The following ART3 variants were observed in gnomAD, a reference collection of about 807,000 sequenced individuals.
ART3 encodes ADP-ribosyltransferase 3 (inactive), also known as ecto-ADP-ribosyltransferase 3.
In ART3, 49 loss-of-function variants were observed where a neutral mutation model predicts 48.5. The observed-to-expected ratio is 1.01, with a 90% CI of 0.80 to 1.28. The LOEUF (loss-of-function observed/expected upper bound fraction) is 1.28. Among genes scored for constraint, ART3 ranks in the 50% most tolerant of loss-of-function variants. The pLI, the probability that ART3 is intolerant of heterozygous loss-of-function variation, is 0.00. For missense variants in ART3, 438 were observed against 454.3 expected, an observed-to-expected ratio of 0.96 and a Z score of 0.33; for synonymous variants, 145 against 157.2, an observed-to-expected ratio of 0.92 and a Z score of 0.58.
chr4:76,027,082 T>C (rs2149386460), intron 1 of ART3, among the ~76,000 whole-genome samples: 1 of 152,158 alleles, frequency 6.6e-6, no homozygotes, highest in South Asian at 2.1e-4. Context: ...TGAAACCCTG[T>C]CTCTACTAAA....
chr4:76,100,898 A>G lies in ART3; in HGVS notation c.907+74A>G, dbSNP rs537941026. The G allele has an allele frequency of 2.5e-6, 4 of 1,601,072 alleles. No individual in the cohort carries two copies. The Admixed American group carries it at 5.2e-5, about 21-fold the overall frequency. ...TCCCTTTACAGGTGGGAATATTTTC[A>G]TATTTACTGAAAATAATTTTGCTGT... On this transcript the variant is annotated intron_variant, in intron 7 of 11. Transcript: ENST00000355810.
chr4:76,102,961 A>G (rs1355336122), intron 8 of ART3, among the ~76,000 whole-genome samples: 1 of 152,126 alleles, frequency 6.6e-6, no homozygotes, highest in African/African-American at 2.4e-5. Flanking sequence ...AGTTCTTATC[A>G]TCAGTTAGGC....
At chr4:76,087,971 G>A (rs986392194) in intron 3 of ART3, among the ~76,000 whole-genome samples, 2 of 152,172 alleles carry the variant, frequency 1.3e-5, no homozygotes, top group African/African-American at 4.8e-5. Context: ...GTGTGTGCCT[G>A]TAGACCCAAC....
At chr4:76,029,114 CTA>C (rs1270630652) in intron 1 of ART3, among the ~76,000 whole-genome samples, 2 of 151,930 alleles carry the variant, frequency 1.3e-5, no homozygotes, top group African/African-American at 4.8e-5. Flanking sequence ...TAGAAAATGT[CTA>C]GTTTTAATTT....
intron 1 of ART3, chr4:76,037,181 C>A (rs7674409): frequency 1.3e-5 from 2 of 152,284 alleles, no homozygotes; most frequent in Non-Finnish European, 2.9e-5. Context: ...AAAAGTGATC[C>A]TCTTTGCTCA....
rs752153596 is a variant in ART3 at position 76,082,157 on chromosome 4, T to A, written c.403T>A (p.Phe135Ile). ...SREDYIYGFQ[F>I]KAFHFYLTRA... is the part of the protein sequence containing the mutation. ...AGAAGATTATATCTATGGCTTCCAG[T>A]TCAAAGCTTTCCACTTTTACCTCAC... Residue 135 changes from phenylalanine to isoleucine, a missense_variant, in exon 3 of 12, where the codon TTC (phenylalanine) becomes ATC (isoleucine). By Grantham distance (21) the Phe-to-Ile change is conservative (BLOSUM62 0). Around this residue, in one of 3 missense-constraint regions of ART3, gnomAD observed 206 missense variants for 205.3 expected, o/e 1.00. Coordinates refer to ENST00000355810, the MANE Select transcript of ART3 (RefSeq NM_001130016.3). The A allele has an allele frequency of 6.8e-6, 11 of 1,614,104 alleles. No homozygotes were observed. Among genetic ancestry groups the A allele is most frequent in the Non-Finnish European group, 9.3e-6 (11 of 1,180,054 alleles).
chr4:76,014,888 A>G (rs2149354217), intron 1 of ART3, among the ~76,000 whole-genome samples: 1 of 152,340 alleles, frequency 6.6e-6, no homozygotes, highest in Non-Finnish European at 1.5e-5. Flanking sequence ...GCAAGAGGGC[A>G]GTGAAACAAC....
At chr4:76,036,056 G>A (rs903033399) in intron 1 of ART3, 1 of 1,433,780 alleles carries the variant, frequency 7.0e-7, no homozygotes, top group Non-Finnish European at 9.8e-7. Context: ...CTTGGAAGGA[G>A]TAGAAATGCT....
At chr4:76,012,966 A>C (rs1039703579) in intron 1 of ART3, among the ~76,000 whole-genome samples, 1 of 152,210 alleles carries the variant, frequency 6.6e-6, no homozygotes, top group African/African-American at 2.4e-5. Flanking sequence ...TCATCCACCA[A>C]ACTTTTATTC....
chr4:76,023,594 C>T lies in ART3; in HGVS notation c.-10+12274C>T, dbSNP rs1042570404. On this transcript the variant is annotated intron_variant, in intron 1 of 9. Transcript: ENST00000341029. ...GGCATTACAGTTGACTTAGCAAAAC[C>T]TGCTGGCTGTTCCTGGGGAAGTCCC... The T allele has an allele frequency of 8.9e-6, 5 of 561,732 alleles. No individual in the cohort carries two copies. In the African/African-American group the frequency reaches 9.2e-5, roughly 10 times the overall value. 34.8% of individuals were successfully genotyped at this position (561,732 alleles called of 1,614,324 possible). A position where few individuals can be genotyped will look rare whatever the true frequency, so the allele number is the denominator to read the frequency against.
intron 1 of ART3, among the ~76,000 whole-genome samples, chr4:76,048,496 G>A (rs1342595666): frequency 1.3e-5 from 2 of 151,530 alleles, no homozygotes; most frequent in African/African-American, 2.4e-5. Context: ...AAAACCACCC[G>A]TGGTTTTGGT....
At chr4:76,064,772 A>G (rs1352623974) in intron 1 of ART3, among the ~76,000 whole-genome samples, 2 of 152,194 alleles carry the variant, frequency 1.3e-5, no homozygotes, top group African/African-American at 2.4e-5. Context: ...TTTAAAATAT[A>G]CTAACAATAT....
chr4:76,036,182 TTC>T, intron 1 of ART3: 1 of 555,026 alleles, frequency 1.8e-6, no homozygotes, highest in Non-Finnish European at 3.2e-6. Context: ...TTCCAAGAGT[TTC>T]TGTTTTGTTC....
chr4:76,100,398 C>G (rs185234582), intron 6 of ART3, 78 bp downstream of exon 6: 1 of 1,407,642 alleles, frequency 7.1e-7, no homozygotes, highest in South Asian at 1.2e-5. Context: ...TTTGGGAGGC[C>G]GAGGCGGGAG....
At chr4:76,086,775 C>T (rs1723679839) in intron 3 of ART3, among the ~76,000 whole-genome samples, 2 of 152,162 alleles carry the variant, frequency 1.3e-5, no homozygotes, top group African/African-American at 4.8e-5. Context: ...ATACATTGGA[C>T]CTGACCCAAA....
intron 3 of ART3, among the ~76,000 whole-genome samples, chr4:76,083,524 G>A (rs935438530): frequency 7.9e-5 from 12 of 152,270 alleles, no homozygotes; most frequent in East Asian, 3.9e-4. Flanking sequence ...CAGAGTCAGC[G>A]CAGTGGCTCA....
intron 3 of ART3, among the ~76,000 whole-genome samples, chr4:76,094,056 T>C (rs962073452): frequency 6.6e-6 from 1 of 152,158 alleles, no homozygotes; most frequent in Non-Finnish European, 1.5e-5. Context: ...AGACCATAGC[T>C]TTGTTCTTTC....
chr4:76,087,260 A>G (rs1288221329), intron 3 of ART3, among the ~76,000 whole-genome samples: 1 of 152,172 alleles, frequency 6.6e-6, no homozygotes, highest in African/African-American at 2.4e-5. Context: ...CGCGTGGAGA[A>G]GTGCGGGTCA....
At chr4:76,091,838 C>T (rs1429962202) in intron 3 of ART3, among the ~76,000 whole-genome samples, 5 of 151,978 alleles carry the variant, frequency 3.3e-5, no homozygotes, top group African/African-American at 4.8e-5. Context: ...TGTGCCATCA[C>T]GCCTGGCTAA....
Sources: allele counts gnomAD v4.1 joint callset (sites outside exome capture counted in the v4.1 genomes callset), GRCh38; gene constraint gnomAD v4.1.1; regional missense constraint gnomAD v4.1.1; transcripts MANE v1.5; gene names NCBI Gene and HGNC (gene_info 2026-07-23, HGNC 2026-07-21).